Variants in TSPAN7 observed in about 807,000 individuals in gnomAD.
TSPAN7 encodes the protein tetraspanin 7.
A neutral mutation model predicts 17.6 loss-of-function variants in TSPAN7; 1 was observed. The observed-to-expected ratio is 0.06, with a 90% CI of 0.02 to 0.27. The LOEUF (loss-of-function observed/expected upper bound fraction) is 0.27, where lower values mean the gene tolerates loss of function less well. Ranked by LOEUF, TSPAN7 falls within the 10% of genes least tolerant of loss-of-function variation. TSPAN7 has a pLI of 1.00. For missense variants in TSPAN7, 112 were observed against 201.7 expected, an observed-to-expected ratio of 0.56 and a Z score of 2.69; for synonymous variants, 78 against 79.0, an observed-to-expected ratio of 0.99 and a Z score of 0.07.
chrX:38,614,709 A>C (rs1205092597), intron 1 of TSPAN7, among the ~76,000 whole-genome samples: 1 of 112,564 alleles, frequency 8.9e-6, no homozygotes. Flanking sequence ...GCTGAAGGTC[A>C]TTCATGGGCA....
At chrX:38,675,934 AT>A in intron 5 of TSPAN7, 74 bp downstream of exon 5, 1 of 1,104,983 alleles carries the variant, frequency 9.0e-7, no homozygotes. Context: ...CCATGAAATT[AT>A]GACAAATAGA....
intron 1 of TSPAN7, chrX:38,623,120 G>A (rs1342336762): frequency 6.1e-6 from 2 of 327,292 alleles, no homozygotes; most frequent in African/African-American, 5.3e-5. Flanking sequence ...GGGAAGTTGT[G>A]GAGATCCAAG....
At chrX:38,656,916 A>G (rs989066413) in intron 1 of TSPAN7, among the ~76,000 whole-genome samples, 15 of 112,380 alleles carry the variant, frequency 1.3e-4, no homozygotes, top group African/African-American at 4.5e-4. Context: ...CAAGAGGCTC[A>G]GAATAAGCTA....
chrX:38,638,222 T>A (rs2069592391), intron 1 of TSPAN7, among the ~76,000 whole-genome samples: 1 of 112,209 alleles, frequency 8.9e-6, no homozygotes, highest in Non-Finnish European at 1.9e-5. Flanking sequence ...TGCCCATTTT[T>A]AAAAAATTGA....
intron 1 of TSPAN7, among the ~76,000 whole-genome samples, chrX:38,616,992 T>A (rs764996168): frequency 8.9e-6 from 1 of 112,011 alleles, no homozygotes; most frequent in Non-Finnish European, 1.9e-5. Context: ...GTTGGCAGAA[T>A]TTTTCTTTAA....
intron 3 of TSPAN7, among the ~76,000 whole-genome samples, chrX:38,673,337 A>C (rs1569315687): frequency 9.3e-6 from 1 of 107,371 alleles, no homozygotes; most frequent in Non-Finnish European, 1.9e-5. Flanking sequence ...CCAAAGTCAA[A>C]TGTGGTAACA....
At chrX:38,658,451 A>AT (rs776138312) in intron 1 of TSPAN7, among the ~76,000 whole-genome samples, 22 of 110,844 alleles carry the variant, frequency 2.0e-4, no homozygotes, top group African/African-American at 7.2e-4. Context: ...AAGTGCTGGG[A>AT]TTATAGGCAC....
At position 38,681,219 on chromosome X, in the gene TSPAN7, G is replaced by T. The variant is rs1167972180; in HGVS notation, c.613G>T (p.Val205Leu). The T allele has an allele frequency of 8.3e-7, 1 of 1,209,572 alleles. No individual in the cohort carries two copies. The highest frequency in any genetic ancestry group is 2.2e-5 in the Admixed American group (1 of 46,013). ...CTCTTTCCAGGGTTGTTATGATCTGGTAACTAGTTTCATGGAGACTAACAT... is the reference window on the plus strand; with the variant it reads ...CTCTTTCCAGGGTTGTTATGATCTGTTAACTAGTTTCATGGAGACTAACAT... ...KVNQKGCYDL[V>L]TSFMETNMGI... Residue 205 changes from valine (V) to leucine (L), a missense_variant, in exon 6 of 8, where the codon GTA (valine) becomes TTA (leucine). Physicochemically the swap from Val to Leu is conservative, Grantham distance 32. Transcript: ENST00000378482.
intron 1 of TSPAN7, among the ~76,000 whole-genome samples, chrX:38,622,075 G>A (rs900163745): frequency 8.9e-6 from 1 of 112,500 alleles, no homozygotes; most frequent in African/African-American, 3.2e-5. Context: ...CTGTATCCCC[G>A]AGGTGAGTCA....
intron 1 of TSPAN7, among the ~76,000 whole-genome samples, chrX:38,620,295 C>T (rs1049979867): frequency 1.8e-5 from 2 of 111,957 alleles, no homozygotes; most frequent in Non-Finnish European, 3.8e-5. Context: ...AAGAATTCGC[C>T]TCCTCATGGG....
intron 1 of TSPAN7, among the ~76,000 whole-genome samples, chrX:38,653,966 A>G (rs1345534543): frequency 8.9e-6 from 1 of 112,119 alleles, no homozygotes; most frequent in African/African-American, 3.2e-5. Flanking sequence ...TTTATTTTTA[A>G]TTATGGCAGC....
At chrX:38,574,036 A>G (rs547937711) in intron 1 of TSPAN7, among the ~76,000 whole-genome samples, 3 of 112,267 alleles carry the variant, frequency 2.7e-5, no homozygotes, top group South Asian at 3.7e-4. Context: ...CACAATGCAC[A>G]GTTCACACTT....
intron 1 of TSPAN7, among the ~76,000 whole-genome samples, chrX:38,627,705 A>T (rs2069529318): frequency 8.9e-6 from 1 of 112,433 alleles, no homozygotes; most frequent in Non-Finnish European, 1.9e-5. Context: ...CCTATGGTTT[A>T]AAAAAAAGTC....
chrX:38,674,489 G>T (rs1162663724), intron 4 of TSPAN7, among the ~76,000 whole-genome samples, 173 bp downstream of exon 4: 1 of 111,870 alleles, frequency 8.9e-6, no homozygotes, highest in Non-Finnish European at 1.9e-5. Context: ...AGTTATTCAG[G>T]TAATTAATGT....
intron 1 of TSPAN7, among the ~76,000 whole-genome samples, chrX:38,575,399 T>G (rs1325804352): frequency 8.9e-6 from 1 of 112,059 alleles, no homozygotes; most frequent in Non-Finnish European, 1.9e-5. Context: ...AACTCTAAAA[T>G]CAATTCAATA....
chrX:38,567,371 C>T (rs1036747730), intron 1 of TSPAN7, among the ~76,000 whole-genome samples: 3 of 112,183 alleles, frequency 2.7e-5, no homozygotes, highest in Admixed American at 1.9e-4. Context: ...AAAGCTTGTG[C>T]AGAGGAACTC....
intron 1 of TSPAN7, among the ~76,000 whole-genome samples, chrX:38,571,126 G>A (rs1235667384): frequency 9.0e-6 from 1 of 111,365 alleles, no homozygotes; most frequent in East Asian, 2.8e-4. Flanking sequence ...ATTTTCTTTG[G>A]TGCTTTCTGC....
intron 4 of TSPAN7, among the ~76,000 whole-genome samples, chrX:38,675,362 C>A (rs1315736067): frequency 8.9e-6 from 1 of 112,052 alleles, no homozygotes; most frequent in Non-Finnish European, 1.9e-5. Flanking sequence ...TTTTTTGAAA[C>A]CATATTTGCC....
chrX:38,628,167 C>G (rs1367333284), intron 1 of TSPAN7, among the ~76,000 whole-genome samples: 1 of 112,483 alleles, frequency 8.9e-6, no homozygotes, highest in African/African-American at 3.2e-5. Flanking sequence ...TTATACCCCC[C>G]TCCACAATGC....
Sources: gnomAD v4.1 joint callset for allele counts (sites outside exome capture counted in the v4.1 genomes callset) on GRCh38, gnomAD v4.1.1 for gene constraint, MANE v1.5 for transcripts, NCBI Gene and HGNC (gene_info 2026-07-23, HGNC 2026-07-21) for gene names.